Variants in SLC1A3 observed in about 807,000 individuals in gnomAD.
SLC1A3 encodes the protein excitatory amino acid transporter 1.
Under a neutral mutation model 48.1 loss-of-function variants are expected in SLC1A3, and 21 were observed. The observed-to-expected ratio is 0.44, with a 90% CI of 0.31 to 0.63. SLC1A3 has a LOEUF of 0.63. SLC1A3 is among the 20% of genes least tolerant of loss of function. SLC1A3 has a pLI of 0.08. For synonymous variants in SLC1A3, 239 were observed against 251.4 expected (o/e 0.95, Z 0.47); for missense variants, 546 against 689.0 (o/e 0.79, Z 2.32).
intron 3 of SLC1A3, among the ~76,000 whole-genome samples, chr5:36,631,457 T>C (rs1258583872): frequency 6.6e-6 from 1 of 152,218 alleles, no homozygotes; most frequent in Admixed American, 6.5e-5. Context: ...TCCCTTTGCA[T>C]GGCTAAAGAG....
chr5:36,645,380 G>A (rs1324440941), intron 3 of SLC1A3, among the ~76,000 whole-genome samples: 1 of 130,672 alleles, frequency 7.7e-6, no homozygotes, highest in East Asian at 2.5e-4. Context: ...AGGCCAGAGT[G>A]CAGTGGCGTG....
chr5:36,616,445 G>A (rs1739439728), intron 2 of SLC1A3, among the ~76,000 whole-genome samples: 1 of 152,152 alleles, frequency 6.6e-6, no homozygotes, highest in South Asian at 2.1e-4. Context: ...GTAAATTTAG[G>A]CGCAGCAAAT....
chr5:36,681,819 G>A (rs572970957), intron 8 of SLC1A3, among the ~76,000 whole-genome samples: 2 of 152,032 alleles, frequency 1.3e-5, no homozygotes, highest in East Asian at 3.9e-4. Flanking sequence ...TTGTTGTGGG[G>A]TTTTTTTTAA....
chr5:36,612,848 T>C (rs1177305669), intron 2 of SLC1A3: 1 of 456,156 alleles, frequency 2.2e-6, no homozygotes, highest in Non-Finnish European at 4.4e-6. Context: ...CACACTGTTC[T>C]GGGTGCTATA....
chr5:36,668,039 C>T (rs888377343), intron 3 of SLC1A3: 44 of 152,234 alleles, frequency 2.9e-4, no homozygotes, highest in African/African-American at 1.1e-3. Context: ...CTTCCCGTCT[C>T]CCCATCACCC....
chr5:36,611,687 C>T (rs1013895972), intron 2 of SLC1A3, among the ~76,000 whole-genome samples: 1 of 152,110 alleles, frequency 6.6e-6, no homozygotes, highest in African/African-American at 2.4e-5. Flanking sequence ...AATGGTCTGC[C>T]AGGGCTGTTG....
chr5:36,611,378 T>C (rs1739190521), intron 2 of SLC1A3, among the ~76,000 whole-genome samples: 1 of 150,756 alleles, frequency 6.6e-6, no homozygotes, highest in African/African-American at 2.4e-5. Flanking sequence ...AAATAAAATG[T>C]ATATGATTTA....
chr5:36,621,154 C>T (rs939730877), intron 2 of SLC1A3, among the ~76,000 whole-genome samples: 2 of 152,182 alleles, frequency 1.3e-5, no homozygotes, highest in Non-Finnish European at 2.9e-5. Flanking sequence ...GATCCACCCA[C>T]CTCGGCCTCC....
chr5:36,659,987 T>C (rs574103593), intron 3 of SLC1A3, among the ~76,000 whole-genome samples: 3 of 152,246 alleles, frequency 2.0e-5, no homozygotes, highest in Non-Finnish European at 4.4e-5. Flanking sequence ...ATCATTGTTT[T>C]GTACCTGGCT....
chr5:36,597,935 C>T (rs1267521136), intron 1 of SLC1A3, among the ~76,000 whole-genome samples: 3 of 152,176 alleles, frequency 2.0e-5, no homozygotes, highest in Admixed American at 6.5e-5. Flanking sequence ...ATGAGGTCTT[C>T]CTCTGACACG....
intron 1 of SLC1A3, chr5:36,608,125 G>A: frequency 3.0e-6 from 1 of 333,990 alleles, no homozygotes; most frequent in Non-Finnish European, 5.5e-6. Context: ...AAAGAAAATA[G>A]AATATATTCC....
At chr5:36,625,863 TAG>T (rs1394426928) in intron 2 of SLC1A3, among the ~76,000 whole-genome samples, 3 of 152,128 alleles carry the variant, frequency 2.0e-5, no homozygotes, top group Admixed American at 1.3e-4. Context: ...TGTAAAGAAA[TAG>T]AGACACATCC....
intron 8 of SLC1A3, among the ~76,000 whole-genome samples, chr5:36,681,865 A>G (rs1419351872): frequency 1.3e-5 from 2 of 152,166 alleles, no homozygotes; most frequent in Non-Finnish European, 2.9e-5. Flanking sequence ...GAGCAAACTA[A>G]GTCAGATTTG....
At chr5:36,632,673 G>T (rs1466981323) in intron 3 of SLC1A3, among the ~76,000 whole-genome samples, 1 of 152,252 alleles carries the variant, frequency 6.6e-6, no homozygotes, top group Non-Finnish European at 1.5e-5. Context: ...TCTGTAGACA[G>T]AAACTGAAAT....
At chr5:36,643,448 T>A (rs1049005180) in intron 3 of SLC1A3, among the ~76,000 whole-genome samples, 6 of 152,220 alleles carry the variant, frequency 3.9e-5, no homozygotes. Context: ...TGCCTATTAG[T>A]CATTCATACA....
chr5:36,608,475 T>C lies in SLC1A3; in HGVS notation c.52T>C (p.Phe18Leu). 2 of 1,613,884 alleles carry C rather than the reference T, an allele frequency of 1.2e-6. No individual in the cohort carries two copies. The highest frequency in any genetic ancestry group is 1.7e-6 in the Non-Finnish European group (2 of 1,179,904). ...EPKMGGRMER[F>L]QQGVRKRTLL... Reference sequence around the variant, plus strand: ...CAAGATGGGGGGCAGGATGGAGAGATTCCAGCAGGGAGTCCGTAAACGCAC... The same window carrying C: ...CAAGATGGGGGGCAGGATGGAGAGACTCCAGCAGGGAGTCCGTAAACGCAC... The change falls in exon 2 of 10, where the codon TTC becomes CTC. Residue 18 changes from phenylalanine (F) to leucine (L), a missense_variant. Around this residue, in one of 3 missense-constraint regions of SLC1A3, gnomAD observed 348 missense variants for 392.0 expected, o/e 0.89. Coordinates refer to ENST00000265113, the MANE Select transcript of SLC1A3 (RefSeq NM_004172.5).
chr5:36,630,074 T>G (rs971130198), intron 3 of SLC1A3: 1 of 172,900 alleles, frequency 5.8e-6, no homozygotes, highest in Non-Finnish European at 1.2e-5. Flanking sequence ...CCAACTCTGC[T>G]GCCACCAACA....
intron 1 of SLC1A3, among the ~76,000 whole-genome samples, chr5:36,599,763 C>T (rs1043095727): frequency 3.3e-5 from 5 of 151,922 alleles, no homozygotes; most frequent in African/African-American, 1.2e-4. Context: ...GCTTAGGCCT[C>T]TCAAAGTGCT....
chr5:36,614,139 C>T (rs985324090), intron 2 of SLC1A3, among the ~76,000 whole-genome samples: 15 of 152,202 alleles, frequency 9.9e-5, no homozygotes, highest in Admixed American at 2.6e-4. Flanking sequence ...TAAAAACTGT[C>T]TGCCAAGATT....
Sources: allele counts gnomAD v4.1 joint callset (sites outside exome capture counted in the v4.1 genomes callset), GRCh38; gene constraint gnomAD v4.1.1; regional missense constraint gnomAD v4.1.1; transcripts MANE v1.5; gene names NCBI Gene and HGNC (gene_info 2026-07-23, HGNC 2026-07-21).